EBF2: variants seen among roughly 807,000 people sequenced by gnomAD.
EBF2 encodes the protein EBF transcription factor 2, also known as transcription factor COE2.
In EBF2, 21 loss-of-function variants were observed where a neutral mutation model predicts 72.8. The observed-to-expected ratio is 0.29, with a 90% CI of 0.20 to 0.42. The LOEUF is 0.42. Ranked by LOEUF, EBF2 falls within the 10% of genes least tolerant of loss-of-function variation. The probability of loss-of-function intolerance (pLI) is 1.00; values close to 1 mark genes in which losing one functional copy is unlikely to be tolerated. For missense variants in EBF2, 637 were observed against 731.2 expected (o/e 0.87, Z 1.49); for synonymous variants, 299 against 274.2 (o/e 1.09, Z -0.89).
intron 10 of EBF2, among the ~76,000 whole-genome samples, chr8:25,866,484 A>AATATATAAT (rs556969725): frequency 7.0e-6 from 1 of 142,784 alleles, no homozygotes; most frequent in East Asian, 2.0e-4. Context: ...ATAATATAAA[A>AATATATAAT]ATATATAATA....
rs1805656780 is a variant in EBF2, at chr8:26,044,069, TTCTCTTCTTTTAAA to T, written c.131+646_131+659del. ...ACTCTTTCTACTGTGACTCAGTATT[TTCTCTTCTTTTAAA>T]TCTCTTCTTTTCTCCAGTTCCCTAG... On this transcript the variant is annotated intron_variant, in intron 1 of 15. Coordinates refer to ENST00000520164, the MANE Select transcript of EBF2 (RefSeq NM_022659.4). The surrounding 1 kb of genome is among the most constrained non-coding windows in gnomAD (Gnocchi z 4.1). Among the ~76,000 whole-genome samples, 1 of 152,202 alleles carries T rather than the reference TTCTCTTCTTTTAAA, an allele frequency of 6.6e-6. No homozygotes were observed.
intron 5 of EBF2, among the ~76,000 whole-genome samples, chr8:26,039,607 C>T (rs1383945728): frequency 6.6e-6 from 1 of 152,200 alleles, no homozygotes; most frequent in African/African-American, 2.4e-5. Flanking sequence ...GGTGGTCCCT[C>T]GCCCAGACTA....
At chr8:25,977,798 T>C (rs1034035471) in intron 6 of EBF2, among the ~76,000 whole-genome samples, 7 of 152,114 alleles carry the variant, frequency 4.6e-5, no homozygotes, top group Non-Finnish European at 1.0e-4. Flanking sequence ...TTTTCCTGGC[T>C]ACAGAAATAT....
In EBF2 at chr8:25,904,639, T is replaced by G. The variant is rs566238345; in HGVS notation, c.633+3835A>C. On this transcript the variant is annotated intron_variant, in intron 7 of 15. Coordinates refer to ENST00000520164, the MANE Select transcript of EBF2 (RefSeq NM_022659.4). Reference sequence around the variant, plus strand: ...TCTTTGTCCTTCTGAGTGAGATACATACTCTAGGAATTTCTGAAAGTCACC... The same window carrying G: ...TCTTTGTCCTTCTGAGTGAGATACAGACTCTAGGAATTTCTGAAAGTCACC... 5.2e-4 allele frequency among the ~76,000 whole-genome samples: 79 copies of G among 152,324 alleles called. 1 individual carries two copies. Among genetic ancestry groups the G allele is most frequent in the African/African-American group, 1.8e-3 (76 of 41,584 alleles).
intron 6 of EBF2, among the ~76,000 whole-genome samples, chr8:25,919,769 A>T (rs1473850463): frequency 6.6e-6 from 1 of 152,190 alleles, no homozygotes; most frequent in African/African-American, 2.4e-5. Flanking sequence ...TCCCTGAAAG[A>T]TGTTCATGTG....
chr8:26,021,837 A>G (rs1027343666), intron 6 of EBF2, among the ~76,000 whole-genome samples: 2 of 152,220 alleles, frequency 1.3e-5, no homozygotes, highest in Non-Finnish European at 2.9e-5. Flanking sequence ...GAGTAAGCAA[A>G]CCCGTGCTGA....
chr8:25,927,179 T>C (rs1428427266), intron 6 of EBF2, among the ~76,000 whole-genome samples: 1 of 151,930 alleles, frequency 6.6e-6, no homozygotes, highest in Non-Finnish European at 1.5e-5. Context: ...AAAAAAAAAA[T>C]TCTGCCTCAA....
intron 6 of EBF2, among the ~76,000 whole-genome samples, chr8:26,005,293 A>ATTTTATATAATTATAT (rs1378946857): frequency 4.3e-4 from 1 of 2,326 alleles, no homozygotes; most frequent in African/African-American, 1.3e-3. Context: ...ATAATTATAT[A>ATTTTATATAATTATAT]ATTATATATA....
intron 7 of EBF2, among the ~76,000 whole-genome samples, chr8:25,907,416 C>T (rs1436840517): frequency 1.7e-5 from 1 of 59,626 alleles, no homozygotes; most frequent in African/African-American, 6.3e-5. Flanking sequence ...TGAGACCCTG[C>T]CTCAAAAAAA....
chr8:26,043,184 C>T (rs961865875), intron 1 of EBF2, among the ~76,000 whole-genome samples: 3 of 152,238 alleles, frequency 2.0e-5, no homozygotes, highest in African/African-American at 7.2e-5. Flanking sequence ...CGGTCGCAGT[C>T]ACAGCCCACC....
chr8:25,877,115 A>G (rs1802535955), intron 10 of EBF2, among the ~76,000 whole-genome samples: 1 of 152,142 alleles, frequency 6.6e-6, no homozygotes, highest in Non-Finnish European at 1.5e-5. Flanking sequence ...GTTGGTGCAG[A>G]TTTTACAATT....
intron 6 of EBF2, among the ~76,000 whole-genome samples, chr8:26,011,495 G>T (rs967339698): frequency 5.4e-4 from 81 of 149,866 alleles, no homozygotes; most frequent in African/African-American, 1.9e-3. Context: ...CAACTTTCAA[G>T]TTTGCCAATA....
At chr8:25,899,871 C>T (rs7826766) in intron 7 of EBF2, among the ~76,000 whole-genome samples, 86,446 of 152,070 alleles carry the variant, frequency 0.57, 24,915 homozygotes, top group East Asian at 0.73. Flanking sequence ...CTGTGGACGC[C>T]AGTCAGTCCC....
intron 6 of EBF2, among the ~76,000 whole-genome samples, chr8:25,979,629 C>T (rs1188723822): frequency 6.6e-6 from 1 of 152,130 alleles, no homozygotes; most frequent in East Asian, 1.9e-4. Flanking sequence ...AAACTAATTC[C>T]AAAAGTCACC....
At chr8:26,041,270 G>A (rs1805595368) in intron 2 of EBF2, 1 of 520,492 alleles carries the variant, frequency 1.9e-6, no homozygotes, top group Non-Finnish European at 3.5e-6. Context: ...TTGAGCTTCC[G>A]ACAACAGGAC....
At chr8:25,939,176 A>G (rs780382470) in intron 6 of EBF2, among the ~76,000 whole-genome samples, 7 of 152,200 alleles carry the variant, frequency 4.6e-5, no homozygotes, top group Non-Finnish European at 8.8e-5. Flanking sequence ...AAACTTTTCC[A>G]TTCTGTGATC....
chr8:25,969,744 A>G (rs1804163444), intron 6 of EBF2, among the ~76,000 whole-genome samples: 1 of 152,086 alleles, frequency 6.6e-6, no homozygotes, highest in South Asian at 2.1e-4. Flanking sequence ...TTTCCTTATC[A>G]CCCAGGCTGG....
chr8:26,042,083 CT>C lies in EBF2; in HGVS notation c.288+11del. On this transcript the variant is annotated intron_variant, in intron 2 of 15. Coordinates refer to ENST00000520164, the MANE Select transcript of EBF2 (RefSeq NM_022659.4). ...ATTAGGCCGCGGGGTTTGGGGGGTA[CT>C]TTCCGCTTACTTTGTCATTCTCCAC... The C allele has an allele frequency of 1.2e-6, 2 of 1,612,748 alleles. No individual in the cohort carries two copies. The highest frequency in any genetic ancestry group is 1.7e-6 in the Non-Finnish European group (2 of 1,179,010).
chr8:25,958,048 G>A, intron 6 of EBF2, among the ~76,000 whole-genome samples: 1 of 152,176 alleles, frequency 6.6e-6, no homozygotes, highest in East Asian at 1.9e-4. Flanking sequence ...AGATCTCTTT[G>A]CTGCATGTCT....
Sources: allele counts gnomAD v4.1 joint callset (sites outside exome capture counted in the v4.1 genomes callset), GRCh38; gene constraint gnomAD v4.1.1; non-coding constraint Gnocchi (gnomAD v3.1); transcripts MANE v1.5; gene names NCBI Gene and HGNC (gene_info 2026-07-23, HGNC 2026-07-21).